Variants in KIFAP3 observed in about 807,000 individuals in gnomAD.
The protein encoded by KIFAP3 is kinesin-associated protein 3.
Under a neutral mutation model 106.5 loss-of-function variants are expected in KIFAP3, and 68 were observed. The observed-to-expected ratio is 0.64, with a 90% CI of 0.53 to 0.78. KIFAP3 has a LOEUF of 0.78. Among genes scored for constraint, KIFAP3 ranks in the 30% least tolerant of loss-of-function variants. The pLI is 0.00. For missense variants in KIFAP3, 780 were observed against 941.8 expected, an observed-to-expected ratio of 0.83 and a Z score of 2.25; for synonymous variants, 320 against 311.5, an observed-to-expected ratio of 1.03 and a Z score of -0.29.
chr1:170,065,282 C>T (rs952666571), intron 1 of KIFAP3, among the ~76,000 whole-genome samples: 3 of 152,080 alleles, frequency 2.0e-5, no homozygotes, highest in African/African-American at 7.2e-5. Flanking sequence ...TTGGGGATGA[C>T]AGATAGTTGG....
chr1:170,043,790 G>C (rs1171708189), intron 3 of KIFAP3, among the ~76,000 whole-genome samples: 2 of 152,136 alleles, frequency 1.3e-5, no homozygotes, highest in African/African-American at 4.8e-5. Context: ...AAAATCTTTA[G>C]ACAGTTATTA....
At chr1:169,925,172 A>G (rs570422262) in intron 19 of KIFAP3, among the ~76,000 whole-genome samples, 1 of 152,298 alleles carries the variant, frequency 6.6e-6, no homozygotes, top group Non-Finnish European at 1.5e-5. Flanking sequence ...TGCAACTATT[A>G]TAGTACTTTT....
intron 1 of KIFAP3, among the ~76,000 whole-genome samples, chr1:170,069,372 T>G (rs1671593247): frequency 6.6e-6 from 1 of 152,096 alleles, no homozygotes; most frequent in African/African-American, 2.4e-5. Context: ...GAGGCCACCA[T>G]TACCCTGATA....
intron 16 of KIFAP3, among the ~76,000 whole-genome samples, chr1:169,975,294 A>C (rs1448339392): frequency 6.6e-6 from 1 of 152,050 alleles, no homozygotes; most frequent in Non-Finnish European, 1.5e-5. Context: ...TCTGAATATA[A>C]ATCATATATT....
chr1:169,977,832 A>T (rs1365379836), intron 16 of KIFAP3, among the ~76,000 whole-genome samples: 1 of 152,120 alleles, frequency 6.6e-6, no homozygotes, highest in African/African-American at 2.4e-5. Flanking sequence ...TAGAGAAGGA[A>T]GTTCTGATAT....
At chr1:170,027,649 AACAG>A (rs1669182466) in intron 8 of KIFAP3, among the ~76,000 whole-genome samples, 4 of 152,200 alleles carry the variant, frequency 2.6e-5, no homozygotes. Flanking sequence ...TCCAAAATTA[AACAG>A]ACAGAAAAAC....
intron 10 of KIFAP3, among the ~76,000 whole-genome samples, chr1:170,004,926 C>A (rs1667867921): frequency 6.6e-6 from 1 of 151,928 alleles, no homozygotes; most frequent in Non-Finnish European, 1.5e-5. Flanking sequence ...AGGCAACCTA[C>A]AGAATGGGAG....
At chr1:170,052,306 T>C (rs1039795103) in intron 2 of KIFAP3, among the ~76,000 whole-genome samples, 8 of 152,070 alleles carry the variant, frequency 5.3e-5, no homozygotes, top group Non-Finnish European at 2.9e-5. Flanking sequence ...AATGGCTGAA[T>C]AGACCAATAA....
intron 19 of KIFAP3, among the ~76,000 whole-genome samples, chr1:169,944,684 AC>A (rs1558184022): frequency 6.6e-6 from 1 of 152,080 alleles, no homozygotes; most frequent in African/African-American, 2.4e-5. Flanking sequence ...CTCTCAGGAG[AC>A]CCAAAGTAGT....
chr1:170,032,451 T>G (rs772960565), intron 7 of KIFAP3, among the ~76,000 whole-genome samples: 3 of 151,746 alleles, frequency 2.0e-5, no homozygotes, highest in Non-Finnish European at 3.0e-5. Flanking sequence ...ATCTAAAGCT[T>G]TTGTAGCAGC....
chr1:169,955,911 G>A (rs1420382496), intron 18 of KIFAP3, among the ~76,000 whole-genome samples: 2 of 152,154 alleles, frequency 1.3e-5, no homozygotes, highest in African/African-American at 4.8e-5. Context: ...AAAATGACAA[G>A]ACACCACAGA....
intron 7 of KIFAP3, among the ~76,000 whole-genome samples, chr1:170,032,986 T>G (rs1412098094): frequency 6.6e-6 from 1 of 151,756 alleles, no homozygotes; most frequent in East Asian, 1.9e-4. Context: ...AATTCATGAT[T>G]GCTAAAGAGT....
chr1:170,074,820 G>T, upstream of KIFAP3: 1 of 1,108,964 alleles, frequency 9.0e-7, no homozygotes, highest in South Asian at 2.3e-5. Flanking sequence ...GTGCAGTTTT[G>T]AGCGTCCGTG....
chr1:169,991,554 C>T (rs1425525007), intron 11 of KIFAP3, among the ~76,000 whole-genome samples: 1 of 152,028 alleles, frequency 6.6e-6, no homozygotes, highest in East Asian at 1.9e-4. Flanking sequence ...GAAATAAAAA[C>T]TTATGTTTTC....
intron 19 of KIFAP3, among the ~76,000 whole-genome samples, chr1:169,938,128 C>T (rs545742120): frequency 2.0e-5 from 3 of 151,902 alleles, no homozygotes; most frequent in African/African-American, 7.2e-5. Context: ...ATAAGAGTTG[C>T]TTTTGAAAAT....
At chr1:170,059,215 C>G (rs756750241) in intron 1 of KIFAP3, among the ~76,000 whole-genome samples, 11 of 151,650 alleles carry the variant, frequency 7.3e-5, no homozygotes, top group Admixed American at 1.3e-4. Flanking sequence ...ATCAATGAAC[C>G]CAGGAGATGG....
At chr1:169,958,450 T>G (rs1212130091) in intron 18 of KIFAP3, among the ~76,000 whole-genome samples, 1 of 152,128 alleles carries the variant, frequency 6.6e-6, no homozygotes, top group Non-Finnish European at 1.5e-5. Flanking sequence ...GTGAACTAGC[T>G]AAAGGTGAAA....
intron 1 of KIFAP3, among the ~76,000 whole-genome samples, chr1:170,073,513 C>T (rs1213984661): frequency 6.6e-6 from 1 of 152,194 alleles, no homozygotes; most frequent in Non-Finnish European, 1.5e-5. Context: ...ACCTTACATT[C>T]ATGTTTCATT....
In KIFAP3 at chr1:169,946,937, A is replaced by T. The variant is rs185140998; in HGVS notation, c.2273+7074T>A. ...CTATAAAAATTTTTTATTTGCTTTGATTTTTTCCTCATTAATTAGAACTAT... is the reference window on the plus strand; with the variant it reads ...CTATAAAAATTTTTTATTTGCTTTGTTTTTTTCCTCATTAATTAGAACTAT... On this transcript the variant is annotated intron_variant, in intron 19 of 19. Transcript: ENST00000361580. Among the ~76,000 whole-genome samples the T allele has an allele frequency of 2.7e-3, 404 of 151,812 alleles. 2 individuals are homozygous for T. Among genetic ancestry groups the T allele is most frequent in the African/African-American group, 9.0e-3 (373 of 41,500 alleles).
Sources: gnomAD v4.1 joint callset for allele counts (sites outside exome capture counted in the v4.1 genomes callset) on GRCh38, gnomAD v4.1.1 for gene constraint, MANE v1.5 for transcripts, NCBI Gene and HGNC (gene_info 2026-07-23, HGNC 2026-07-21) for gene names.